The following ABCB1 variants were observed in gnomAD, a reference collection of about 807,000 sequenced individuals.
ABCB1 encodes the protein ATP binding cassette subfamily B member 1.
A neutral mutation model predicts 142.0 loss-of-function variants in ABCB1; 69 were observed. The observed-to-expected ratio is 0.49, with a 90% confidence interval of 0.40 to 0.59. ABCB1 has a LOEUF of 0.59. ABCB1 is among the 20% of genes least tolerant of loss of function. The pLI is 0.00. For synonymous variants in ABCB1, 532 were observed against 539.2 expected, an observed-to-expected ratio of 0.99 and a Z score of 0.18; for missense variants, 1,326 against 1,554.7, an observed-to-expected ratio of 0.85 and a Z score of 2.47.
chr7:87,554,530 T>G (rs1817232515), intron 8 of ABCB1, among the ~76,000 whole-genome samples: 1 of 152,226 alleles, frequency 6.6e-6, no homozygotes, highest in Admixed American at 6.5e-5. Context: ...CAATTTATCT[T>G]ACTTCCGTAG....
intron 1 of ABCB1, among the ~76,000 whole-genome samples, chr7:87,692,723 G>T (rs1237844530): frequency 6.6e-6 from 1 of 152,086 alleles, no homozygotes; most frequent in East Asian, 1.9e-4. Flanking sequence ...TAAATATTAG[G>T]AATTAATGTT....
At chr7:87,711,964 A>G (rs1830130744) in intron 1 of ABCB1, among the ~76,000 whole-genome samples, 2 of 152,182 alleles carry the variant, frequency 1.3e-5, no homozygotes, top group African/African-American at 2.4e-5. Flanking sequence ...TGAGATCTTA[A>G]CTTCCATATC....
intron 1 of ABCB1, among the ~76,000 whole-genome samples, chr7:87,702,174 A>AAC: frequency 6.9e-6 from 1 of 144,422 alleles, no homozygotes; most frequent in Non-Finnish European, 1.5e-5. Context: ...AAAAAAAAAC[A>AAC]GAGATACTTT....
intron 8 of ABCB1, 30 bp from the exon 9 acceptor site, chr7:87,553,962 T>A: frequency 6.3e-7 from 1 of 1,579,036 alleles, no homozygotes; most frequent in Non-Finnish European, 8.7e-7. Flanking sequence ...TGATCACATA[T>A]ACATTTTATG....
At chr7:87,555,024 T>G (rs1345252293) in intron 8 of ABCB1, among the ~76,000 whole-genome samples, 1 of 152,236 alleles carries the variant, frequency 6.6e-6, no homozygotes, top group Admixed American at 6.5e-5. Context: ...TCAAATATTT[T>G]TTAAACCCTC....
At chr7:87,637,060 A>G (rs1821847839) in intron 1 of ABCB1, among the ~76,000 whole-genome samples, 1 of 152,174 alleles carries the variant, frequency 6.6e-6, no homozygotes, top group African/African-American at 2.4e-5. Flanking sequence ...CTATCATGAG[A>G]CTAGCATGGG....
intron 1 of ABCB1, among the ~76,000 whole-genome samples, chr7:87,690,308 TTTTTA>T (rs1420236445): frequency 2.6e-5 from 4 of 152,206 alleles, no homozygotes; most frequent in African/African-American, 7.2e-5. Flanking sequence ...GTGATCTATA[TTTTTA>T]TTTTATTAAA....
intron 3 of ABCB1, among the ~76,000 whole-genome samples, chr7:87,587,645 G>A (rs1011511404): frequency 2.6e-5 from 4 of 152,100 alleles, no homozygotes; most frequent in African/African-American, 4.8e-5. Flanking sequence ...GCCAAGGCGG[G>A]CAGATCACGA....
intron 1 of ABCB1, among the ~76,000 whole-genome samples, chr7:87,698,163 G>C (rs1308760475): frequency 6.6e-6 from 1 of 152,024 alleles, no homozygotes; most frequent in Non-Finnish European, 1.5e-5. Flanking sequence ...GCAGTGGCAC[G>C]ATCTCGGCTC....
At chr7:87,624,186 T>TGAGC (rs1426321698) in intron 1 of ABCB1, among the ~76,000 whole-genome samples, 5 of 152,352 alleles carry the variant, frequency 3.3e-5, no homozygotes, top group African/African-American at 9.6e-5. Flanking sequence ...GCGTGATGAT[T>TGAGC]GAGCTTTCAC....
At chr7:87,674,529 T>A (rs1055319213) in intron 1 of ABCB1, among the ~76,000 whole-genome samples, 4 of 151,704 alleles carry the variant, frequency 2.6e-5, no homozygotes, top group Admixed American at 2.6e-4. Context: ...GAGAGGAGGG[T>A]GACATGTGCC....
chr7:87,672,923 T>C lies in ABCB1; in HGVS notation c.-331+40238A>G, dbSNP rs566081690. Among the ~76,000 whole-genome samples the C allele has an allele frequency of 5.3e-4, 81 of 152,246 alleles. 1 individual carries two copies. Among genetic ancestry groups the C allele is most frequent in the African/African-American group, 1.8e-3 (74 of 41,552 alleles). ...CAATGTGAGTACCTGGATGTTTCAA[T>C]TGAAGGTGCTATATTAACTTGTCTT... is the stretch of plus-strand genomic sequence containing the variant. On this transcript the variant is annotated intron_variant, in intron 1 of 28. Transcript: ENST00000265724.
At chr7:87,560,218 G>A (rs1256198665) in intron 8 of ABCB1, among the ~76,000 whole-genome samples, 1 of 152,070 alleles carries the variant, frequency 6.6e-6, no homozygotes, top group African/African-American at 2.4e-5. Context: ...ATCTTTTAAA[G>A]CAAAAGCAAA....
At chr7:87,677,151 C>G (rs936858440) in intron 1 of ABCB1, among the ~76,000 whole-genome samples, 5 of 151,948 alleles carry the variant, frequency 3.3e-5, no homozygotes, top group African/African-American at 1.2e-4. Context: ...AAGATAAAAT[C>G]AGTATTTGGA....
intron 4 of ABCB1, among the ~76,000 whole-genome samples, chr7:87,581,470 A>G (rs1269917503): frequency 6.7e-6 from 1 of 149,338 alleles, no homozygotes; most frequent in Non-Finnish European, 1.5e-5. Context: ...CTTTGTTTAC[A>G]AAAAAAAAAG....
At chr7:87,636,851 A>T (rs1821826835) in intron 1 of ABCB1, among the ~76,000 whole-genome samples, 1 of 152,136 alleles carries the variant, frequency 6.6e-6, no homozygotes, top group African/African-American at 2.4e-5. Context: ...AGACTGGGTA[A>T]TTTATGAAGG....
chr7:87,511,382 G>C (rs1814999913), intron 25 of ABCB1, among the ~76,000 whole-genome samples: 1 of 152,178 alleles, frequency 6.6e-6, no homozygotes, highest in Non-Finnish European at 1.5e-5. Context: ...TGAAAGGCCA[G>C]ATTAAAATGA....
At chr7:87,595,079 A>G (rs1334836169) in intron 3 of ABCB1, among the ~76,000 whole-genome samples, 5 of 152,132 alleles carry the variant, frequency 3.3e-5, no homozygotes, top group Admixed American at 6.5e-5. Context: ...CAGTGAGCCA[A>G]GATCACAGCA....
chr7:87,694,516 G>A (rs1465340167), intron 1 of ABCB1, among the ~76,000 whole-genome samples: 1 of 152,074 alleles, frequency 6.6e-6, no homozygotes, highest in African/African-American at 2.4e-5. Context: ...ATAGTAGAAC[G>A]AAAGAGAAAA....
Sources: gnomAD v4.1 joint callset for allele counts (sites outside exome capture counted in the v4.1 genomes callset) on GRCh38, gnomAD v4.1.1 for gene constraint, MANE v1.5 for transcripts, NCBI Gene and HGNC (gene_info 2026-07-23, HGNC 2026-07-21) for gene names.